STON2: variants seen among roughly 807,000 people sequenced by gnomAD.
STON2 encodes stonin-2.
Under a neutral mutation model 65.7 loss-of-function variants are expected in STON2, and 29 were observed. The ratio of observed to expected loss-of-function variants is 0.44; its 90% CI spans 0.33 to 0.60. The LOEUF is 0.60. Ranked by LOEUF, STON2 falls within the 20% of genes least tolerant of loss-of-function variation. The pLI, the probability that STON2 is intolerant of heterozygous loss-of-function variation, is 0.03. For synonymous variants in STON2, 404 were observed against 414.2 expected (o/e 0.98, Z 0.30); for missense variants, 1,054 against 1,118.1 (o/e 0.94, Z 0.82).
At position 81,278,049 on chromosome 14, in the gene STON2, C is replaced by G. The variant is rs150621878; in HGVS notation, c.1433G>C (p.Arg478Pro). The G allele has an allele frequency of 9.3e-6, 15 of 1,614,164 alleles. No individual in the cohort carries two copies. ...TGGCCACCCGTCACGAGGCTGGGAC[C>G]GTGCTGATCCAGGCGGGTGAGCATC... ...ELDAHPPGSA[R>P]SQPRDGWPMM... Residue 478 changes from arginine to proline, a missense_variant, in exon 6 of 8, where the codon CGG becomes CCG. Arg to Pro is a moderately radical substitution (Grantham distance 103). Transcript: ENST00000614646.
chr14:81,404,397 T>C (rs1900748635), upstream of STON2, among the ~76,000 whole-genome samples: 1 of 152,248 alleles, frequency 6.6e-6, no homozygotes, highest in African/African-American at 2.4e-5. Flanking sequence ...CCTGGATGTA[T>C]TAGCTTAAGT....
intron 5 of STON2, among the ~76,000 whole-genome samples, chr14:81,299,883 A>T (rs1010954408): frequency 1.8e-4 from 20 of 112,916 alleles, no homozygotes; most frequent in African/African-American, 7.7e-4. Context: ...ATGGAAAAAA[A>T]ATTTTTTTTT....
intron 2 of STON2, among the ~76,000 whole-genome samples, chr14:81,416,535 C>T (rs1429615454): frequency 2.0e-5 from 3 of 152,206 alleles, no homozygotes; most frequent in African/African-American, 4.8e-5. Context: ...GGCCCATTCC[C>T]ATGGTCATCT....
At chr14:81,384,170 C>T (rs1218948734) in intron 3 of STON2, among the ~76,000 whole-genome samples, 2 of 152,108 alleles carry the variant, frequency 1.3e-5, no homozygotes, top group African/African-American at 4.8e-5. Context: ...TCACCATAGT[C>T]CCTTGTTTTG....
At chr14:81,384,632 T>C (rs1009871040) in intron 3 of STON2, among the ~76,000 whole-genome samples, 1 of 152,214 alleles carries the variant, frequency 6.6e-6, no homozygotes, top group Non-Finnish European at 1.5e-5. Context: ...CACGAGTATT[T>C]GGCTGTATCC....
intron 4 of STON2, among the ~76,000 whole-genome samples, chr14:81,355,710 C>T (rs1412510387): frequency 6.6e-6 from 1 of 152,156 alleles, no homozygotes; most frequent in African/African-American, 2.4e-5. Flanking sequence ...TATGAAAGCA[C>T]AAAACCCTTC....
At chr14:81,425,882 CTCTTT>C (rs1417184073) in intron 2 of STON2, among the ~76,000 whole-genome samples, 2 of 152,144 alleles carry the variant, frequency 1.3e-5, no homozygotes, top group African/African-American at 4.8e-5. Context: ...CCTGACCTCT[CTCTTT>C]TATTATTTTT....
Position 81,266,337 on chromosome 14 carries a change from A to G in STON2, c.*2077T>C, listed in dbSNP as rs1438834695. On this transcript the variant is annotated 3_prime_UTR_variant, in exon 8 of 8. Coordinates refer to ENST00000614646, the MANE Select transcript of STON2 (RefSeq NM_001394390.1). The stretch of plus-strand genomic sequence containing the variant: ...TGAAGCAAACATTTGTCACCTGTAA[A>G]GTTCCTCTTTGTTCTTATTTTTGCC... Among the ~76,000 whole-genome samples the G allele has an allele frequency of 6.6e-6, 1 of 152,176 alleles. No individual in the cohort carries two copies. The highest frequency in any genetic ancestry group is 2.4e-5 in the African/African-American group (1 of 41,440).
chr14:81,320,724 C>T (rs1343172024), intron 5 of STON2, among the ~76,000 whole-genome samples: 1 of 152,022 alleles, frequency 6.6e-6, no homozygotes, highest in Non-Finnish European at 1.5e-5. Context: ...TGACACTCCC[C>T]TCTTATGAGG....
At chr14:81,288,127 G>T (rs1895411003) in intron 5 of STON2, among the ~76,000 whole-genome samples, 1 of 152,206 alleles carries the variant, frequency 6.6e-6, no homozygotes, top group Non-Finnish European at 1.5e-5. Context: ...TAGTGATAGT[G>T]AAACCTGCAG....
chr14:81,378,944 C>T (rs1162859186), intron 3 of STON2, among the ~76,000 whole-genome samples: 2 of 142,388 alleles, frequency 1.4e-5, no homozygotes, highest in Non-Finnish European at 2.9e-5. Context: ...AACAGAAATA[C>T]CCCCCAAAGC....
intron 3 of STON2, among the ~76,000 whole-genome samples, chr14:81,388,374 T>A (rs1323036869): frequency 6.6e-6 from 1 of 152,248 alleles, no homozygotes; most frequent in Non-Finnish European, 1.5e-5. Flanking sequence ...GCCTTGATGA[T>A]TTAAGCATTT....
intron 4 of STON2, among the ~76,000 whole-genome samples, chr14:81,370,225 A>T (rs1898922682): frequency 6.6e-6 from 1 of 152,210 alleles, no homozygotes; most frequent in South Asian, 2.1e-4. Context: ...ACACTGGGTA[A>T]TTTCATCCAC....
chr14:81,408,157 A>ACACACGTG (rs147841517), intron 2 of STON2, among the ~76,000 whole-genome samples: 4 of 150,410 alleles, frequency 2.7e-5, no homozygotes, highest in South Asian at 2.1e-4. Flanking sequence ...ACACACACAC[A>ACACACGTG]CGCGCACACA....
intron 5 of STON2, among the ~76,000 whole-genome samples, chr14:81,291,726 G>A (rs1342868652): frequency 1.3e-5 from 2 of 151,162 alleles, no homozygotes; most frequent in African/African-American, 4.9e-5. Context: ...TAATAAATTA[G>A]TTTATTAGAA....
At chr14:81,432,481 G>A (rs537309365) in intron 1 of STON2, among the ~76,000 whole-genome samples, 5 of 152,156 alleles carry the variant, frequency 3.3e-5, no homozygotes, top group Non-Finnish European at 5.9e-5. Context: ...CAATTTCTTG[G>A]TCTGACTATA....
intron 7 of STON2, chr14:81,270,030 C>T: frequency 2.0e-6 from 2 of 983,946 alleles, no homozygotes; most frequent in Non-Finnish European, 2.4e-6. Flanking sequence ...TTTCCAAGCT[C>T]ACTACTCTGT....
intron 5 of STON2, among the ~76,000 whole-genome samples, chr14:81,319,713 C>A (rs1392961368): frequency 6.6e-6 from 1 of 152,130 alleles, no homozygotes; most frequent in Non-Finnish European, 1.5e-5. Context: ...AGGTTCCGAA[C>A]CTTCATCTAC....
intron 4 of STON2, chr14:81,333,277 G>A (rs886928655): frequency 1.4e-6 from 1 of 702,336 alleles, no homozygotes; most frequent in African/African-American, 1.8e-5. Context: ...TTCCCGGGGT[G>A]AAGGACGTCA....
Sources: gnomAD v4.1 joint callset for allele counts (sites outside exome capture counted in the v4.1 genomes callset) on GRCh38, gnomAD v4.1.1 for gene constraint, MANE v1.5 for transcripts, NCBI Gene and HGNC (gene_info 2026-07-23, HGNC 2026-07-21) for gene names.